The following TNRC6B variants were observed in gnomAD, a reference collection of about 807,000 sequenced individuals.
TNRC6B encodes trinucleotide repeat containing adaptor 6B.
A neutral mutation model predicts 203.6 loss-of-function variants in TNRC6B; 52 were observed. The observed-to-expected ratio is 0.26, with a 90% CI of 0.20 to 0.32. The LOEUF (loss-of-function observed/expected upper bound fraction) is 0.32. TNRC6B is among the 10% of genes least tolerant of loss of function. The pLI is 1.00. For synonymous variants in TNRC6B, 838 were observed against 845.7 expected, an observed-to-expected ratio of 0.99 and a Z score of 0.16; for missense variants, 1,923 against 2,286.2, an observed-to-expected ratio of 0.84 and a Z score of 3.24.
intron 10 of TNRC6B, among the ~76,000 whole-genome samples, chr22:40,280,559 G>A (rs1036826618): frequency 3.3e-5 from 5 of 152,302 alleles, no homozygotes; most frequent in Middle Eastern, 6.8e-3. Flanking sequence ...AGCGATCTGT[G>A]TTTAGTTACA....
chr22:40,291,046 C>T (rs2070863391), intron 12 of TNRC6B, among the ~76,000 whole-genome samples: 1 of 152,058 alleles, frequency 6.6e-6, no homozygotes, highest in African/African-American at 2.4e-5. Context: ...TCTGTCTTTT[C>T]CCAACATTTC....
chr22:40,227,919 A>G (rs1206274286), intron 1 of TNRC6B, among the ~76,000 whole-genome samples: 1 of 152,184 alleles, frequency 6.6e-6, no homozygotes, highest in Non-Finnish European at 1.5e-5. Context: ...ATTCTGGTTG[A>G]TAAACTTATT....
chr22:40,076,860 T>C (rs2068018803), intron 1 of TNRC6B, among the ~76,000 whole-genome samples: 1 of 152,130 alleles, frequency 6.6e-6, no homozygotes, highest in East Asian at 1.9e-4. Flanking sequence ...CCACATACCC[T>C]GTGACCCAGC....
chr22:40,266,818 A>G lies in TNRC6B; in HGVS notation c.2588A>G (p.Gln863Arg), dbSNP rs1480384429. 4.3e-6 allele frequency: 7 copies of G among 1,613,898 alleles called. No individual in the cohort carries two copies. Among genetic ancestry groups the G allele is most frequent in the Non-Finnish European group, 5.9e-6 (7 of 1,179,812 alleles). ...AATTCCAGCTGGAGCAGCGGGCCAC[A>G]GCCTGCAACACCTAAGGATGAGGAA... is the stretch of plus-strand genomic sequence containing the variant. ...PSNSSWSSGP[Q>R]PATPKDEEPS... Residue 863 changes from glutamine to arginine, a missense_variant, in exon 5 of 23, where the codon CAG (glutamine) becomes CGG (arginine). By Grantham distance (43) the Gln-to-Arg change is conservative. Around this residue, in one of 8 missense-constraint regions of TNRC6B, gnomAD observed 599 missense variants for 656.5 expected, o/e 0.91. Coordinates refer to ENST00000454349, the MANE Select transcript of TNRC6B (RefSeq NM_001162501.2).
At chr22:40,275,266 T>C (rs981554820) in intron 7 of TNRC6B, among the ~76,000 whole-genome samples, 14 of 152,338 alleles carry the variant, frequency 9.2e-5, no homozygotes, top group African/African-American at 2.6e-4. Flanking sequence ...TTAGGTTGTC[T>C]AGTGTGATTT....
chr22:40,291,644 A>C (rs2070870724), intron 12 of TNRC6B, among the ~76,000 whole-genome samples: 1 of 152,164 alleles, frequency 6.6e-6, no homozygotes, highest in Admixed American at 6.5e-5. Context: ...CATCAGGTAG[A>C]TTTACCTTGA....
At chr22:40,059,820 T>C (rs1339179912) in intron 1 of TNRC6B, among the ~76,000 whole-genome samples, 3 of 147,806 alleles carry the variant, frequency 2.0e-5, no homozygotes, top group Non-Finnish European at 4.4e-5. Context: ...GTTTGGTTTT[T>C]TTTTTTTTTT....
At position 40,261,986 on chromosome 22, in the gene TNRC6B, G is replaced by A. The variant is rs1355157715; in HGVS notation, c.270G>A (p.Glu90=). ...GCGCCGCCCGCTACATGCCTCGGGA[G>A]GTGCCGCCGCGATTCCGTTGCCAGC... ...PPSAARYMPR[E]VPPRFRCQQD... is the part of the protein sequence containing the mutation. Residue 90 remains glutamate (E), a synonymous_variant, in exon 4 of 23, where the codon GAG becomes GAA. Transcript: ENST00000454349. 6.2e-7 allele frequency: 1 copy of A among 1,611,570 alleles called. No homozygotes were observed. The highest frequency in any genetic ancestry group is 2.2e-5 in the East Asian group (1 of 44,824).
intron 1 of TNRC6B, among the ~76,000 whole-genome samples, chr22:40,093,479 A>G (rs553783449): frequency 6.6e-6 from 1 of 152,366 alleles, no homozygotes; most frequent in East Asian, 1.9e-4. Flanking sequence ...AAAGAGAAAT[A>G]TCACCTGGAT....
chr22:40,127,783 T>C lies in TNRC6B; in HGVS notation c.45+1921T>C, dbSNP rs555268481. Among the ~76,000 whole-genome samples, 5 of 152,198 alleles carry C rather than the reference T, an allele frequency of 3.3e-5. No individual in the cohort carries two copies. The East Asian group carries it at 9.7e-4, about 29-fold the overall frequency. ...TACTCAGGAGGCTGAGGTAGGAGGATCATTTGTACCCAGGGCTGTTGACGC... is the reference window on the plus strand; with the variant it reads ...TACTCAGGAGGCTGAGGTAGGAGGACCATTTGTACCCAGGGCTGTTGACGC... On this transcript the variant is annotated intron_variant, in intron 3 of 23. Coordinates refer to the TNRC6B transcript ENST00000301923.
intron 1 of TNRC6B, among the ~76,000 whole-genome samples, chr22:40,232,419 T>C (rs979226004): frequency 1.3e-5 from 2 of 152,198 alleles, no homozygotes; most frequent in Non-Finnish European, 2.9e-5. Flanking sequence ...TGCACATATT[T>C]GGAGAATTTA....
chr22:40,081,918 C>T (rs1427819840), intron 1 of TNRC6B, among the ~76,000 whole-genome samples: 1 of 152,036 alleles, frequency 6.6e-6, no homozygotes, highest in Non-Finnish European at 1.5e-5. Context: ...TCACTTTTCT[C>T]GGTGGTGCCA....
At chr22:40,141,975 T>C (rs939367324) in intron 3 of TNRC6B, among the ~76,000 whole-genome samples, 1 of 151,716 alleles carries the variant, frequency 6.6e-6, no homozygotes, top group African/African-American at 2.4e-5. Flanking sequence ...TTAGCCAGGA[T>C]GGTCTTGATC....
At chr22:40,292,225 C>T (rs536956608) in intron 12 of TNRC6B, among the ~76,000 whole-genome samples, 9 of 152,100 alleles carry the variant, frequency 5.9e-5, no homozygotes, top group East Asian at 3.9e-4. Flanking sequence ...GGCGCACACC[C>T]GTCTGTCGTC....
intron 1 of TNRC6B, among the ~76,000 whole-genome samples, chr22:40,079,008 A>G (rs527514013): frequency 6.6e-6 from 1 of 151,932 alleles, no homozygotes; most frequent in African/African-American, 2.4e-5. Flanking sequence ...CGGGAGGCAG[A>G]GGTTGCAGTG....
chr22:40,051,695 A>T (rs2067745956), intron 1 of TNRC6B, among the ~76,000 whole-genome samples: 1 of 152,214 alleles, frequency 6.6e-6, no homozygotes. Context: ...AAGTTTCTGG[A>T]CTAGCACTGT....
chr22:40,192,507 C>T (rs566854101), intron 1 of TNRC6B, among the ~76,000 whole-genome samples: 2 of 152,270 alleles, frequency 1.3e-5, no homozygotes, highest in Admixed American at 1.3e-4. Flanking sequence ...GTCCCAGCTA[C>T]TTTGGAGTCT....
chr22:40,243,086 G>A (rs1204149749), intron 1 of TNRC6B, among the ~76,000 whole-genome samples: 2 of 151,262 alleles, frequency 1.3e-5, no homozygotes, highest in African/African-American at 2.4e-5. Flanking sequence ...AGCCAGGATG[G>A]TCTAGATCTC....
intron 1 of TNRC6B, among the ~76,000 whole-genome samples, chr22:40,178,866 G>A (rs1035266950): frequency 1.3e-5 from 2 of 152,166 alleles, no homozygotes; most frequent in Non-Finnish European, 2.9e-5. Context: ...CAAAGGGTAG[G>A]ACTATGTTGT....
Sources: gnomAD v4.1 joint callset for allele counts (sites outside exome capture counted in the v4.1 genomes callset) on GRCh38, gnomAD v4.1.1 for gene constraint, gnomAD v4.1.1 regional missense constraint, MANE v1.5 for transcripts, NCBI Gene and HGNC (gene_info 2026-07-23, HGNC 2026-07-21) for gene names.